Variants in LRP6 observed in about 807,000 individuals in gnomAD.
LRP6 encodes LDL receptor related protein 6, also known as low-density lipoprotein receptor-related protein 6.
A neutral mutation model predicts 184.1 loss-of-function variants in LRP6; 43 were observed. The observed-to-expected ratio is 0.23, with a 90% CI of 0.18 to 0.30. The LOEUF is 0.30. LRP6 is among the 10% of genes least tolerant of loss of function. The pLI, the probability that LRP6 is intolerant of heterozygous loss-of-function variation, is 1.00. For synonymous variants in LRP6, 719 were observed against 684.9 expected (o/e 1.05, Z -0.78); for missense variants, 1,571 against 2,005.3 (o/e 0.78, Z 4.14).
intron 3 of LRP6, among the ~76,000 whole-genome samples, chr12:12,190,402 G>T (rs1207658904): frequency 6.6e-6 from 1 of 152,138 alleles, no homozygotes; most frequent in African/African-American, 2.4e-5. Flanking sequence ...GGGGACCACA[G>T]AAAAGAAACA....
chr12:12,266,624 A>T (rs1010603482), intron 1 of LRP6, 57 bp downstream of exon 1: 26 of 1,416,798 alleles, frequency 1.8e-5, no homozygotes, highest in Non-Finnish European at 2.5e-5. Context: ...AGACACATAC[A>T]ACAAGGCCAC....
intron 3 of LRP6, among the ~76,000 whole-genome samples, chr12:12,189,732 C>G (rs892214037): frequency 2.0e-5 from 3 of 152,146 alleles, no homozygotes; most frequent in African/African-American, 7.2e-5. Flanking sequence ...AACTCCTGAC[C>G]TCAGGTGATC....
chr12:12,219,951 T>A (rs554986539), intron 2 of LRP6, among the ~76,000 whole-genome samples: 1 of 152,040 alleles, frequency 6.6e-6, no homozygotes, highest in African/African-American at 2.4e-5. Flanking sequence ...TCTGGTGAGG[T>A]TGAAGGCAAC....
intron 1 of LRP6, among the ~76,000 whole-genome samples, chr12:12,255,960 T>A (rs1414985521): frequency 6.6e-6 from 1 of 152,102 alleles, no homozygotes; most frequent in Non-Finnish European, 1.5e-5. Flanking sequence ...TTTCCCTCTA[T>A]CAAAGTCATC....
intron 1 of LRP6, among the ~76,000 whole-genome samples, chr12:12,253,942 G>A (rs1277752043): frequency 2.0e-5 from 3 of 151,700 alleles, no homozygotes; most frequent in Non-Finnish European, 2.9e-5. Flanking sequence ...CCAAGAGTTC[G>A]AGACCAGCCT....
At chr12:12,168,483 A>G (rs185091776) in intron 7 of LRP6, among the ~76,000 whole-genome samples, 16 of 152,328 alleles carry the variant, frequency 1.1e-4, no homozygotes, top group East Asian at 1.9e-4. Flanking sequence ...GAACGAACAC[A>G]TGGGGGACTC....
intron 2 of LRP6, among the ~76,000 whole-genome samples, chr12:12,239,895 T>C (rs1464021605): frequency 1.3e-5 from 2 of 151,506 alleles, no homozygotes; most frequent in Non-Finnish European, 2.9e-5. Flanking sequence ...ATATGGAGCA[T>C]AAAAAAGTAG....
chr12:12,236,247 TAAAC>T (rs1283387156), intron 2 of LRP6, among the ~76,000 whole-genome samples: 5 of 151,270 alleles, frequency 3.3e-5, no homozygotes, highest in Admixed American at 1.3e-4. Context: ...AATAAATAAA[TAAAC>T]AAACAAACAA....
rs776107621 is a variant in LRP6, at chr12:12,244,275, C to G, written c.436G>C (p.Asp146His). ...ELDQPRAIAL[D>H]PSSGFMYWTD... ...ACAAAAACTTACCCACTTGAAGGAT[C>G]TAAGGCAATAGCTCTGGGTTGATCC... Residue 146 changes from aspartate (D) to histidine (H), a missense_variant, in exon 2 of 23, where the codon GAT becomes CAT. By Grantham distance (81) the Asp-to-His change is moderately conservative. This residue lies in a region of LRP6 where 640 missense variants were observed against 851.9 expected (regional missense o/e 0.75). Transcript: ENST00000261349. 1 of 1,614,132 alleles carries G rather than the reference C, an allele frequency of 6.2e-7. No homozygotes were observed. Among genetic ancestry groups the G allele is most frequent in the African/African-American group, 1.3e-5 (1 of 75,032 alleles).
chr12:12,150,419 C>CA (rs1418979644), intron 13 of LRP6, among the ~76,000 whole-genome samples: 1 of 152,116 alleles, frequency 6.6e-6, no homozygotes, highest in African/African-American at 2.4e-5. Context: ...GTTCCTGTTA[C>CA]ATAACACATA....
chr12:12,212,295 A>G (rs1037588007), intron 2 of LRP6, among the ~76,000 whole-genome samples: 1 of 152,168 alleles, frequency 6.6e-6, no homozygotes, highest in Non-Finnish European at 1.5e-5. Context: ...TCTTATTACC[A>G]AGGCCGTATC....
intron 2 of LRP6, among the ~76,000 whole-genome samples, chr12:12,236,474 G>A (rs1017043433): frequency 2.0e-5 from 3 of 152,174 alleles, no homozygotes; most frequent in Admixed American, 6.5e-5. Context: ...CAGATCGCTG[G>A]GCGGGGTGAC....
At chr12:12,189,424 A>G (rs1177164540) in intron 3 of LRP6, among the ~76,000 whole-genome samples, 2 of 152,240 alleles carry the variant, frequency 1.3e-5, no homozygotes, top group East Asian at 3.8e-4. Flanking sequence ...TTACAATGTG[A>G]ATATTTCATG....
intron 3 of LRP6, among the ~76,000 whole-genome samples, chr12:12,189,117 C>T (rs1863551145): frequency 6.6e-6 from 1 of 152,120 alleles, no homozygotes; most frequent in Non-Finnish European, 1.5e-5. Context: ...ATGGAAAAGG[C>T]AAAATCCCTA....
chr12:12,179,785 G>GAAAATGAAA (rs1002731723), intron 7 of LRP6, 25 bp downstream of exon 7: 2 of 1,603,014 alleles, frequency 1.2e-6, no homozygotes, highest in Non-Finnish European at 1.7e-6. Context: ...AAAGTGGCTT[G>GAAAATGAAA]AAAATGAAAA....
intron 22 of LRP6, among the ~76,000 whole-genome samples, chr12:12,122,864 A>C (rs982652017): frequency 6.6e-6 from 1 of 152,036 alleles, no homozygotes; most frequent in African/African-American, 2.4e-5. Context: ...AAAAGGGTGC[A>C]AGGCTGCCAG....
intron 3 of LRP6, among the ~76,000 whole-genome samples, chr12:12,200,706 T>G (rs1231548827): frequency 6.6e-6 from 1 of 152,166 alleles, no homozygotes; most frequent in African/African-American, 2.4e-5. Flanking sequence ...CACTGTAATA[T>G]ATAAAGTATT....
At chr12:12,176,797 C>A (rs1863194899) in intron 7 of LRP6, among the ~76,000 whole-genome samples, 1 of 149,498 alleles carries the variant, frequency 6.7e-6, no homozygotes, top group African/African-American at 2.5e-5. Context: ...ATTATCTTTT[C>A]TTTCCAAATG....
intron 22 of LRP6, 55 bp downstream of exon 22, chr12:12,124,510 A>T (rs907854526): frequency 1.5e-6 from 2 of 1,310,398 alleles, no homozygotes; most frequent in Admixed American, 1.7e-5. Flanking sequence ...CAGGTCCACA[A>T]CTGAAACACT....
Sources: gnomAD v4.1 joint callset for allele counts (sites outside exome capture counted in the v4.1 genomes callset) on GRCh38, gnomAD v4.1.1 for gene constraint, gnomAD v4.1.1 regional missense constraint, MANE v1.5 for transcripts, NCBI Gene and HGNC (gene_info 2026-07-23, HGNC 2026-07-21) for gene names.